The following FOXN3 variants were observed in gnomAD, a reference collection of about 807,000 sequenced individuals.
FOXN3 encodes forkhead box N3.
FOXN3 carries 7 observed loss-of-function variants against 38.4 expected under a neutral mutation model. The ratio of observed to expected loss-of-function variants is 0.18; its 90% CI spans 0.10 to 0.34. The LOEUF (loss-of-function observed/expected upper bound fraction) is 0.34. Ranked by LOEUF, FOXN3 falls within the 10% of genes least tolerant of loss-of-function variation. The probability of loss-of-function intolerance (pLI) is 1.00; values close to 1 mark genes in which losing one functional copy is unlikely to be tolerated. For missense variants in FOXN3, 456 were observed against 613.4 expected, an observed-to-expected ratio of 0.74 and a Z score of 2.71; for synonymous variants, 230 against 242.2, an observed-to-expected ratio of 0.95 and a Z score of 0.47.
At chr14:89,618,527 G>C (rs185245189) in intron 1 of FOXN3, among the ~76,000 whole-genome samples, 1 of 151,492 alleles carries the variant, frequency 6.6e-6, no homozygotes, top group Admixed American at 6.6e-5. Context: ...ATTTGACACT[G>C]TTTATAATTG....
At chr14:89,567,910 G>T (rs537646171) in intron 1 of FOXN3, among the ~76,000 whole-genome samples, 2 of 151,978 alleles carry the variant, frequency 1.3e-5, no homozygotes, top group South Asian at 4.2e-4. Flanking sequence ...ATTTAGTAGA[G>T]ACGGGGTTTC....
At chr14:89,381,847 A>AGGAGG (rs1399491519) in intron 2 of FOXN3, among the ~76,000 whole-genome samples, 5 of 134,270 alleles carry the variant, frequency 3.7e-5, no homozygotes, top group African/African-American at 1.4e-4. Flanking sequence ...GCAACAGAGA[A>AGGAGG]GGAGGGGAGG....
chr14:89,235,532 T>C (rs1040240872), intron 4 of FOXN3, among the ~76,000 whole-genome samples: 3 of 152,226 alleles, frequency 2.0e-5, no homozygotes, highest in Non-Finnish European at 4.4e-5. Context: ...CTGGCAATCA[T>C]GGCAGTAAGC....
chr14:89,299,780 A>ACCTCCGTGTC (rs1887159859), intron 3 of FOXN3, among the ~76,000 whole-genome samples: 3 of 152,212 alleles, frequency 2.0e-5, no homozygotes, highest in African/African-American at 4.8e-5. Context: ...AGGTCTTGAC[A>ACCTCCGTGTC]ATGGTACAAA....
intron 1 of FOXN3, among the ~76,000 whole-genome samples, chr14:89,572,747 T>G (rs191997344): frequency 1.3e-5 from 2 of 152,336 alleles, no homozygotes; most frequent in South Asian, 2.1e-4. Context: ...TTTATTTCTG[T>G]GATGACAAGT....
intron 1 of FOXN3, among the ~76,000 whole-genome samples, chr14:89,469,276 A>G (rs59194696): frequency 0.019 from 2,881 of 152,242 alleles, 86 homozygotes; most frequent in African/African-American, 0.065. Context: ...AGTGTCTGAC[A>G]GCCATCGGCC....
At position 89,585,735 on chromosome 14, in the gene FOXN3, C is replaced by T. The variant is rs1299541545; in HGVS notation, c.-15+33293G>A. On this transcript the variant is annotated intron_variant, in intron 1 of 6. Coordinates refer to the FOXN3 transcript ENST00000345097. ...AATAGATTTATTTGTTCCTTCTCCA[C>T]TCCCACTGCTTCACTTGACTAGAAA... Among the ~76,000 whole-genome samples the T allele has an allele frequency of 4.3e-4, 62 of 142,938 alleles. 1 individual carries two copies. The highest frequency in any genetic ancestry group is 4.3e-3 in the Admixed American group (60 of 13,880). The allele number at this position is 142,938 out of a possible 152,430, so 93.8% of individuals were successfully genotyped here.
chr14:89,317,287 C>T (rs905521717), intron 3 of FOXN3, among the ~76,000 whole-genome samples: 1 of 152,218 alleles, frequency 6.6e-6, no homozygotes, highest in Admixed American at 6.5e-5. Context: ...GTAACTCTTC[C>T]TACCAGCTCA....
At chr14:89,189,674 C>T (rs1887896243) in intron 4 of FOXN3, among the ~76,000 whole-genome samples, 1 of 152,174 alleles carries the variant, frequency 6.6e-6, no homozygotes, top group Admixed American at 6.5e-5. Flanking sequence ...AGAGATCTTT[C>T]TAAAACCATG....
At position 89,417,025 on chromosome 14, in the gene FOXN3, G is replaced by T. The variant is rs1387167652; in HGVS notation, c.-169C>A. 1.4e-5 allele frequency: 2 copies of T among 144,842 alleles called. No homozygotes were observed. Among genetic ancestry groups the T allele is most frequent in the Non-Finnish European group, 3.1e-5 (2 of 65,296 alleles). The allele number at this position is 144,842 out of a possible 1,614,324, so 9.0% of individuals were successfully genotyped here. A position where few individuals can be genotyped will look rare whatever the true frequency, so the allele number is the denominator to read the frequency against. The stretch of plus-strand genomic sequence containing the variant: ...CCCGGGGCGGCGGGCGGCGGGGGGC[G>T]GCCGCGGGCGCGGGCGGCAGGGGCG... On this transcript the variant is annotated 5_prime_UTR_variant, in exon 1 of 6. Transcript: ENST00000557258.
chr14:89,501,197 A>G (rs1893793648), intron 1 of FOXN3, among the ~76,000 whole-genome samples: 1 of 152,240 alleles, frequency 6.6e-6, no homozygotes, highest in Admixed American at 6.5e-5. Context: ...AGAAAAAATA[A>G]AGTTTTTAAT....
chr14:89,360,796 CCACCTCCAG>C (rs1366421446), intron 2 of FOXN3, among the ~76,000 whole-genome samples: 3 of 120,180 alleles, frequency 2.5e-5, no homozygotes, highest in East Asian at 4.9e-4. Flanking sequence ...TCCACCACCA[CCACCTCCAG>C]CACCACCTCC....
chr14:89,227,942 T>A (rs1044834108), intron 4 of FOXN3, among the ~76,000 whole-genome samples: 4 of 151,320 alleles, frequency 2.6e-5, no homozygotes, highest in African/African-American at 9.7e-5. Context: ...AGAGATGGGG[T>A]CTCCCCAGGC....
intron 2 of FOXN3, among the ~76,000 whole-genome samples, chr14:89,382,293 C>T (rs1467769578): frequency 1.3e-5 from 2 of 152,010 alleles, no homozygotes; most frequent in Non-Finnish European, 2.9e-5. Flanking sequence ...ACCGCTGACC[C>T]ATCACTCTAC....
At position 89,490,645 on chromosome 14, in the gene FOXN3, C is replaced by T. The variant is rs541702936; in HGVS notation, c.-14-78155G>A. Among the ~76,000 whole-genome samples the T allele has an allele frequency of 2.6e-5, 4 of 152,308 alleles. No homozygotes were observed. In the East Asian group the frequency reaches 7.7e-4, roughly 29 times the overall value. Reference sequence around the variant, plus strand: ...ATGAATATGAAAAAGATCAGCCATTCACCTGGTTTGTTCCATGAGTTTAGC... The same window carrying T: ...ATGAATATGAAAAAGATCAGCCATTTACCTGGTTTGTTCCATGAGTTTAGC... On this transcript the variant is annotated intron_variant, in intron 1 of 6. Coordinates refer to the FOXN3 transcript ENST00000345097.
At chr14:89,401,585 C>T (rs1891246727) in intron 2 of FOXN3, 1 of 455,880 alleles carries the variant, frequency 2.2e-6, no homozygotes. Flanking sequence ...TGCCAGGCTC[C>T]CTGTACCTTG....
intron 2 of FOXN3, chr14:89,355,399 T>TC (rs766270242): frequency 1.5e-4 from 1 of 6,842 alleles, no homozygotes; most frequent in East Asian, 3.5e-3. Context: ...GACTATTTTC[T>TC]TTTTTTTTTG....
chr14:89,199,091 G>T (rs1464484706), intron 4 of FOXN3, among the ~76,000 whole-genome samples: 1 of 152,174 alleles, frequency 6.6e-6, no homozygotes, highest in Non-Finnish European at 1.5e-5. Flanking sequence ...AGAACACGGG[G>T]TGCCGTCAGC....
intron 2 of FOXN3, among the ~76,000 whole-genome samples, chr14:89,370,083 CG>C (rs1890272705): frequency 1.3e-5 from 2 of 151,882 alleles, no homozygotes; most frequent in African/African-American, 2.4e-5. Context: ...TGTGCACACA[CG>C]TTTTCTTTAA....
Sources: gnomAD v4.1 joint callset for allele counts (sites outside exome capture counted in the v4.1 genomes callset) on GRCh38, gnomAD v4.1.1 for gene constraint, MANE v1.5 for transcripts, NCBI Gene and HGNC (gene_info 2026-07-23, HGNC 2026-07-21) for gene names.